The following ADAM12 variants were observed in gnomAD, a reference collection of about 807,000 sequenced individuals.
ADAM12 encodes the protein ADAM metallopeptidase domain 12, also known as disintegrin and metalloproteinase domain-containing protein 12.
ADAM12 carries 70 observed loss-of-function variants against 106.4 expected under a neutral mutation model. That is an observed-to-expected ratio of 0.66 (90% CI 0.54 to 0.80). The LOEUF (loss-of-function observed/expected upper bound fraction) is 0.80. ADAM12 is among the 30% of genes least tolerant of loss of function. The probability of loss-of-function intolerance (pLI) is 0.00; values close to 1 mark genes in which losing one functional copy is unlikely to be tolerated. For missense variants in ADAM12, 1,010 were observed against 1,171.9 expected, an observed-to-expected ratio of 0.86 and a Z score of 2.02; for synonymous variants, 420 against 433.5, an observed-to-expected ratio of 0.97 and a Z score of 0.39.
chr10:126,259,156 C>G (rs1958951150), intron 3 of ADAM12, among the ~76,000 whole-genome samples: 1 of 151,516 alleles, frequency 6.6e-6, no homozygotes, highest in Admixed American at 6.6e-5. Flanking sequence ...CTGTATCTAA[C>G]AGACGTCAAA....
Position 126,043,035 on chromosome 10 carries a change from C to T in ADAM12, c.2104+5G>A. On this transcript the variant is annotated splice_donor_5th_base_variant and intron_variant, in intron 18 of 22. Coordinates refer to ENST00000448723, the MANE Select transcript of ADAM12 (RefSeq NM_001288973.2). The surrounding 1 kb of genome is among the most constrained non-coding windows in gnomAD (Gnocchi z 4.1). ...CTCCCACCGGGATGCAGGGGCTTCACTGACCTGCTTGCCGGATGGGGCCGC... is the reference window on the plus strand; with the variant it reads ...CTCCCACCGGGATGCAGGGGCTTCATTGACCTGCTTGCCGGATGGGGCCGC... The T allele has an allele frequency of 6.2e-7, 1 of 1,613,922 alleles. No homozygotes were observed. Among genetic ancestry groups the T allele is most frequent in the Non-Finnish European group, 8.5e-7 (1 of 1,179,910 alleles).
At chr10:126,253,835 A>T (rs1020294872) in intron 3 of ADAM12, among the ~76,000 whole-genome samples, 1 of 152,212 alleles carries the variant, frequency 6.6e-6, no homozygotes, top group Non-Finnish European at 1.5e-5. Flanking sequence ...AGGCTCCATG[A>T]GAGAAGCCTC....
In ADAM12 at chr10:126,066,641, G is replaced by A; in HGVS notation, c.1413+76C>T. ...TGCTGGGAAACCTTCCAGCCACACT[G>A]CTTGCCCTGCATCAGATCTGAACCA... On this transcript the variant is annotated intron_variant, in intron 13 of 22. Transcript: ENST00000448723. The surrounding 1 kb of genome is among the most constrained non-coding windows in gnomAD (Gnocchi z 5.1). 1.4e-6 allele frequency: 2 copies of A among 1,416,128 alleles called. No homozygotes were observed. The highest frequency in any genetic ancestry group is 2.0e-4 in the Middle Eastern group (1 of 5,088). 87.7% of individuals were successfully genotyped at this position (1,416,128 alleles called of 1,614,324 possible). A position where few individuals can be genotyped will look rare whatever the true frequency, so the allele number is the denominator to read the frequency against.
At chr10:126,354,301 T>G (rs1329902850) in intron 1 of ADAM12, among the ~76,000 whole-genome samples, 1 of 152,212 alleles carries the variant, frequency 6.6e-6, no homozygotes, top group Non-Finnish European at 1.5e-5. Flanking sequence ...CCCTAGAATA[T>G]ATTTTGCAAT....
At chr10:126,336,980 G>A (rs1854724777) in intron 1 of ADAM12, among the ~76,000 whole-genome samples, 1 of 152,210 alleles carries the variant, frequency 6.6e-6, no homozygotes, top group Admixed American at 6.5e-5. Context: ...CCGCCACAGA[G>A]GGCCGGCAAG....
At chr10:126,219,965 G>A (rs868567733) in intron 3 of ADAM12, among the ~76,000 whole-genome samples, 1 of 152,142 alleles carries the variant, frequency 6.6e-6, no homozygotes, top group African/African-American at 2.4e-5. Context: ...GAACCAATGG[G>A]GAGACAGGAG....
chr10:126,163,862 C>T (rs982767535), intron 3 of ADAM12, among the ~76,000 whole-genome samples: 6 of 152,302 alleles, frequency 3.9e-5, no homozygotes, highest in South Asian at 2.1e-4. Flanking sequence ...CATAAATAAA[C>T]GAATGAGAAA....
intron 2 of ADAM12, among the ~76,000 whole-genome samples, chr10:126,327,800 T>A (rs1854356814): frequency 6.6e-6 from 1 of 152,150 alleles, no homozygotes; most frequent in Non-Finnish European, 1.5e-5. Flanking sequence ...AGAAAGAAGG[T>A]CACAGTTTAT....
In ADAM12 at chr10:126,197,228, C is replaced by T. The variant is rs556410114; in HGVS notation, c.261-41923G>A. ...ATGAGCTGGTTGGAAAGGGCACTGA[C>T]TAGGGCCCCTACAGGGAGTGACAAG... On this transcript the variant is annotated intron_variant, in intron 3 of 22. Coordinates refer to ENST00000448723, the MANE Select transcript of ADAM12 (RefSeq NM_001288973.2). Among the ~76,000 whole-genome samples, 25 of 152,340 alleles carry T rather than the reference C, an allele frequency of 1.6e-4. No individual in the cohort carries two copies. In the South Asian group the frequency reaches 5.2e-3, roughly 32 times the overall value.
chr10:126,056,306 G>C (rs1035308325), intron 14 of ADAM12, among the ~76,000 whole-genome samples: 2 of 152,164 alleles, frequency 1.3e-5, no homozygotes, highest in Non-Finnish European at 2.9e-5. Context: ...CTGCCACATG[G>C]CAAAGAAAAG....
rs1953916432 is a variant in ADAM12 at position 126,028,414 on chromosome 10, A to G, written c.2529+7732T>C. 1.3e-5 allele frequency among the ~76,000 whole-genome samples: 2 copies of G among 152,232 alleles called. 1 individual carries two copies. Among genetic ancestry groups the G allele is most frequent in the South Asian group, 4.1e-4 (2 of 4,834 alleles). ...GCATCACGCTACCTGACTTCAAACT[A>G]TACTACAAAGCTATAGTAACCAAAA... is the stretch of plus-strand genomic sequence containing the variant. On this transcript the variant is annotated intron_variant, in intron 21 of 22. Coordinates refer to ENST00000448723, the MANE Select transcript of ADAM12 (RefSeq NM_001288973.2).
chr10:126,354,439 G>A (rs752732762), intron 1 of ADAM12, among the ~76,000 whole-genome samples: 1 of 104,464 alleles, frequency 9.6e-6, no homozygotes, highest in Non-Finnish European at 2.1e-5. Flanking sequence ...ATGGTATCTG[G>A]CATGCAGTAG....
intron 4 of ADAM12, among the ~76,000 whole-genome samples, chr10:126,135,867 G>A (rs980031735): frequency 3.3e-5 from 5 of 152,170 alleles, no homozygotes; most frequent in African/African-American, 7.2e-5. Flanking sequence ...TACCAACAGC[G>A]GTTTTTAAAT....
At chr10:126,178,381 C>T (rs1397777006) in intron 3 of ADAM12, among the ~76,000 whole-genome samples, 1 of 139,108 alleles carries the variant, frequency 7.2e-6, no homozygotes, top group Non-Finnish European at 1.6e-5. Context: ...TCCTTTTTGG[C>T]TTACCTTAGT....
intron 3 of ADAM12, among the ~76,000 whole-genome samples, chr10:126,211,462 C>T (rs1957899378): frequency 6.6e-6 from 1 of 152,192 alleles, no homozygotes; most frequent in Non-Finnish European, 1.5e-5. Context: ...CCATGGGATC[C>T]TGGACCTGCC....
chr10:126,375,338 C>T (rs1473310683), intron 1 of ADAM12, among the ~76,000 whole-genome samples: 1 of 151,938 alleles, frequency 6.6e-6, no homozygotes, highest in East Asian at 1.9e-4. Flanking sequence ...GCCTGGACTG[C>T]TCAGCACAGA....
Position 126,036,127 on chromosome 10 carries a change from A to G in ADAM12, c.2529+19T>C. 7.0e-7 allele frequency: 1 copy of G among 1,422,262 alleles called. No homozygotes were observed. Among genetic ancestry groups the G allele is most frequent in the Non-Finnish European group, 9.2e-7 (1 of 1,087,588 alleles). The allele number at this position is 1,422,262 out of a possible 1,614,324, so 88.1% of individuals were successfully genotyped here. On this transcript the variant is annotated intron_variant, in intron 21 of 22. Coordinates refer to ENST00000448723, the MANE Select transcript of ADAM12 (RefSeq NM_001288973.2). ...CTGGATTTGAACTACATCCTATCAT[A>G]TTAGTACTGAAAGCATACCTGGGCC...
At chr10:126,076,127 C>T (rs949278977) in intron 11 of ADAM12, among the ~76,000 whole-genome samples, 3 of 152,152 alleles carry the variant, frequency 2.0e-5, no homozygotes, top group African/African-American at 4.8e-5. Context: ...CTCATCTTTA[C>T]ATCTACGTGT....
intron 1 of ADAM12, among the ~76,000 whole-genome samples, chr10:126,365,468 C>T (rs185895514): frequency 8.4e-4 from 128 of 152,198 alleles, no homozygotes; most frequent in Non-Finnish European, 1.5e-3. Context: ...TCTCAGGCTG[C>T]TATGAAGAAA....
Sources: allele counts gnomAD v4.1 joint callset (sites outside exome capture counted in the v4.1 genomes callset), GRCh38; gene constraint gnomAD v4.1.1; non-coding constraint Gnocchi (gnomAD v3.1); transcripts MANE v1.5; gene names NCBI Gene and HGNC (gene_info 2026-07-23, HGNC 2026-07-21).